The following MRRF variants were observed in gnomAD, a reference collection of about 807,000 sequenced individuals.
MRRF encodes ribosome-recycling factor, mitochondrial.
In MRRF, 18 loss-of-function variants were observed where a neutral mutation model predicts 25.1. The observed-to-expected ratio is 0.72, with a 90% CI of 0.50 to 1.06. The LOEUF is 1.06. Ranked by LOEUF, MRRF falls within the 50% of genes least tolerant of loss-of-function variation. MRRF has a pLI of 0.00. For missense variants in MRRF, 323 were observed against 319.3 expected, an observed-to-expected ratio of 1.01 and a Z score of -0.09; for synonymous variants, 113 against 112.1, an observed-to-expected ratio of 1.01 and a Z score of -0.05.
At chr9:122,285,330 G>C in intron 4 of MRRF, 43 bp downstream of exon 4, 1 of 1,134,024 alleles carries the variant, frequency 8.8e-7, no homozygotes, top group Non-Finnish European at 1.3e-6. Context: ...GTCTCTTTTG[G>C]AATGGAGGAG....
intron 5 of MRRF, among the ~76,000 whole-genome samples, chr9:122,310,950 A>T (rs1835167972): frequency 6.6e-6 from 1 of 152,260 alleles, no homozygotes; most frequent in African/African-American, 2.4e-5. Context: ...TTGTTTCATG[A>T]GGAAGTAATT....
chr9:122,317,907 G>T (rs1361639147), intron 6 of MRRF, among the ~76,000 whole-genome samples: 1 of 152,138 alleles, frequency 6.6e-6, no homozygotes, highest in East Asian at 1.9e-4. Flanking sequence ...GGAGGTCCAG[G>T]CAGGTAGTTC....
At chr9:122,267,381 A>C (rs1467227396) in intron 1 of MRRF, among the ~76,000 whole-genome samples, 1 of 122,202 alleles carries the variant, frequency 8.2e-6, no homozygotes, top group Non-Finnish European at 1.6e-5. Context: ...ACTCTGTCTC[A>C]AAAAAAAAAA....
chr9:122,267,450 T>G (rs1564465919), intron 1 of MRRF, among the ~76,000 whole-genome samples: 1 of 152,180 alleles, frequency 6.6e-6, no homozygotes. Context: ...GTGTACCTAC[T>G]GGATGCCAGG....
chr9:122,308,874 A>G (rs1380122690), intron 5 of MRRF, among the ~76,000 whole-genome samples: 1 of 151,898 alleles, frequency 6.6e-6, no homozygotes, highest in East Asian at 1.9e-4. Flanking sequence ...GGCTAATTTT[A>G]TTGTGTGTTG....
At chr9:122,300,932 TC>T (rs1201031112) in intron 5 of MRRF, among the ~76,000 whole-genome samples, 2 of 152,216 alleles carry the variant, frequency 1.3e-5, no homozygotes, top group Non-Finnish European at 2.9e-5. Flanking sequence ...CATGAGAATT[TC>T]TTTACGTTCC....
intron 5 of MRRF, among the ~76,000 whole-genome samples, chr9:122,302,988 T>G (rs1834568678): frequency 6.6e-6 from 1 of 152,220 alleles, no homozygotes; most frequent in Non-Finnish European, 1.5e-5. Context: ...GTTGGCCATT[T>G]GTATATCTTC....
intron 1 of MRRF, among the ~76,000 whole-genome samples, chr9:122,268,950 G>C (rs1458658433): frequency 1.3e-5 from 2 of 152,082 alleles, no homozygotes; most frequent in Admixed American, 6.5e-5. Context: ...TGGATCACGA[G>C]GTCAGGAGAT....
intron 2 of MRRF, among the ~76,000 whole-genome samples, chr9:122,279,039 A>T (rs929853189): frequency 5.3e-5 from 8 of 152,072 alleles, no homozygotes; most frequent in Non-Finnish European, 1.0e-4. Flanking sequence ...CGCCCAGCTA[A>T]TTTTTGTAAT....
chr9:122,270,882 G>A lies in MRRF; in HGVS notation c.-10G>A. The A allele has an allele frequency of 1.2e-6, 2 of 1,613,638 alleles. No homozygotes were observed. The highest frequency in any genetic ancestry group is 2.2e-5 in the East Asian group (1 of 44,882). Reference sequence around the variant, plus strand: ...TTTTTAGTGGATGTTTCCAAGGATTGTCTTCAGTCATGGCCTTGGGATTAA... The same window carrying A: ...TTTTTAGTGGATGTTTCCAAGGATTATCTTCAGTCATGGCCTTGGGATTAA... On this transcript the variant is annotated 5_prime_UTR_variant, in exon 2 of 7. Transcript: ENST00000344641.
At chr9:122,285,916 G>T in intron 4 of MRRF, 1 of 1,298,878 alleles carries the variant, frequency 7.7e-7, no homozygotes, top group Non-Finnish European at 1.0e-6. Flanking sequence ...GCAGAATATT[G>T]CATGGAGCAC....
chr9:122,286,091 A>G, intron 4 of MRRF: 2 of 1,272,448 alleles, frequency 1.6e-6, no homozygotes, highest in Non-Finnish European at 2.1e-6. Flanking sequence ...TCCCATCTCT[A>G]CCACCAACTG....
At chr9:122,298,570 G>A (rs1342095576) in intron 5 of MRRF, among the ~76,000 whole-genome samples, 2 of 152,098 alleles carry the variant, frequency 1.3e-5, no homozygotes, top group Admixed American at 1.3e-4. Flanking sequence ...CTCTGGTCCC[G>A]GACAACCACT....
intron 1 of MRRF, among the ~76,000 whole-genome samples, chr9:122,266,652 G>A (rs1197720300): frequency 6.6e-6 from 1 of 152,210 alleles, no homozygotes; most frequent in Non-Finnish European, 1.5e-5. Context: ...GTATACAGCT[G>A]CATTGAAAAG....
intron 2 of MRRF, among the ~76,000 whole-genome samples, chr9:122,274,097 G>A (rs900126569): frequency 2.0e-5 from 3 of 152,046 alleles, no homozygotes; most frequent in Non-Finnish European, 4.4e-5. Flanking sequence ...CATTGGATTG[G>A]CTAGGAACTC....
intron 4 of MRRF, among the ~76,000 whole-genome samples, chr9:122,289,082 A>T (rs953092207): frequency 6.6e-6 from 1 of 152,212 alleles, no homozygotes; most frequent in African/African-American, 2.4e-5. Flanking sequence ...AACATGACTA[A>T]TTCCCTGAGG....
chr9:122,266,929 G>A (rs532682723), intron 1 of MRRF, among the ~76,000 whole-genome samples: 1 of 152,082 alleles, frequency 6.6e-6, no homozygotes, highest in South Asian at 2.1e-4. Flanking sequence ...AATTAGCTGG[G>A]TGTGGTGGCG....
At chr9:122,318,945 T>C (rs769774945) in intron 6 of MRRF, among the ~76,000 whole-genome samples, 3 of 152,106 alleles carry the variant, frequency 2.0e-5, no homozygotes, top group African/African-American at 7.2e-5. Context: ...CCCTGTTTCT[T>C]TATCCTCTTC....
In MRRF at chr9:122,280,434, A is replaced by G. The variant is rs1290310961; in HGVS notation, c.185-9A>G. 1 of 1,614,004 alleles carries G rather than the reference A, an allele frequency of 6.2e-7. No homozygotes were observed. The highest frequency in any genetic ancestry group is 2.2e-5 in the East Asian group (1 of 44,866). ...CTGTTGTTTTATTCACTGAATGTTC[A>G]CTTTTTAGCCAAAGGGAAAGGACAG... On this transcript the variant is annotated splice_polypyrimidine_tract_variant and intron_variant, in intron 2 of 6. Transcript: ENST00000344641.
Sources: gnomAD v4.1 joint callset for allele counts (sites outside exome capture counted in the v4.1 genomes callset) on GRCh38, gnomAD v4.1.1 for gene constraint, MANE v1.5 for transcripts, NCBI Gene and HGNC (gene_info 2026-07-23, HGNC 2026-07-21) for gene names.